NDE1: variants seen among roughly 807,000 people sequenced by gnomAD.
The protein encoded by NDE1 is nuclear distribution protein nudE homolog 1.
NDE1 carries 28 observed loss-of-function variants against 43.4 expected under a neutral mutation model. The ratio of observed to expected loss-of-function variants is 0.65; its 90% confidence interval spans 0.48 to 0.89. NDE1 has a LOEUF of 0.89. NDE1 is among the 40% of genes least tolerant of loss of function. The pLI is 0.00. For missense variants in NDE1, 441 were observed against 434.1 expected (o/e 1.02, Z -0.14); for synonymous variants, 184 against 172.0 (o/e 1.07, Z -0.55).
rs2040633172 is a variant in NDE1 at position 15,724,266 on chromosome 16, C to G, written c.*15C>G. On this transcript the variant is annotated 3_prime_UTR_variant, in exon 9 of 9. Coordinates refer to ENST00000396354, the MANE Select transcript of NDE1 (RefSeq NM_017668.3). ...GCTCCTGCTGAAGCCTGTTCTTGGT[C>G]TTTTCCAGTTTATCATAAGCGGCCG... 6.2e-7 allele frequency: 1 copy of G among 1,614,092 alleles called. No homozygotes were observed. Among genetic ancestry groups the G allele is most frequent in the Non-Finnish European group, 8.5e-7 (1 of 1,180,048 alleles).
At chr16:15,701,868 A>G (rs1287115323) in intron 8 of NDE1, 1 of 152,196 alleles carries the variant, frequency 6.6e-6, no homozygotes, top group Non-Finnish European at 1.5e-5. Context: ...TCCACAGAAG[A>G]TGTCCTTTTA....
rs149556566 is a variant in NDE1 at position 15,659,729 on chromosome 16, G to T, written c.-43-5007G>T. Among the ~76,000 whole-genome samples the T allele has an allele frequency of 3.4e-5, 5 of 146,722 alleles. No homozygotes were observed. The Admixed American group carries it at 3.5e-4, about 10-fold the overall frequency. On this transcript the variant is annotated intron_variant, in intron 1 of 8. Transcript: ENST00000396354. ...TGGGATTACAGGTGTGAGCCACTGCGCCCGGCCTTGGACACAATCTTTTTT... is the reference window on the plus strand; with the variant it reads ...TGGGATTACAGGTGTGAGCCACTGCTCCCGGCCTTGGACACAATCTTTTTT...
intron 8 of NDE1, chr16:15,718,108 C>G (rs1366245833): frequency 3.9e-6 from 3 of 762,406 alleles, no homozygotes; most frequent in South Asian, 1.8e-5. Flanking sequence ...AAATGAGACA[C>G]TGCAGCGTGG....
chr16:15,668,911 T>C (rs369744456), intron 3 of NDE1, among the ~76,000 whole-genome samples: 46 of 152,310 alleles, frequency 3.0e-4, no homozygotes, highest in African/African-American at 1.0e-3. Flanking sequence ...GTTTGTTTTG[T>C]ATTTTTGAGA....
At chr16:15,645,845 T>C (rs1216236014), upstream of NDE1, among the ~76,000 whole-genome samples, 1 of 152,158 alleles carries the variant, frequency 6.6e-6, no homozygotes, top group Non-Finnish European at 1.5e-5. Context: ...AACCAAGCTG[T>C]TATTAAAGGA....
chr16:15,695,770 C>G, intron 7 of NDE1: 1 of 921,002 alleles, frequency 1.1e-6, no homozygotes, highest in Non-Finnish European at 1.3e-6. Flanking sequence ...GTTTGCTATT[C>G]TAGAAGCAGG....
In NDE1 at chr16:15,714,742, T is replaced by A. The variant is rs189512774; in HGVS notation, c.948-9449T>A. On this transcript the variant is annotated intron_variant, in intron 8 of 8. Transcript: ENST00000396354. ...AGGCAGGGCCCGGGTCTGATCTCAG[T>A]GCCTGGCCCACACTAAGCTTAGTGA... The A allele has an allele frequency of 1.2e-4, 104 of 878,692 alleles. No individual in the cohort carries two copies. In the African/African-American group the frequency reaches 1.4e-3, roughly 12 times the overall value. 54.4% of individuals were successfully genotyped at this position (878,692 alleles called of 1,614,324 possible).
At chr16:15,709,751 C>T (rs992273713) in intron 8 of NDE1, among the ~76,000 whole-genome samples, 1 of 152,206 alleles carries the variant, frequency 6.6e-6, no homozygotes, top group African/African-American at 2.4e-5. Context: ...AGTGTTGGAA[C>T]AGAAGCCAAG....
In NDE1 at chr16:15,720,279, G is replaced by T. The variant is rs1055960218; in HGVS notation, c.948-3912G>T. On this transcript the variant is annotated intron_variant, in intron 8 of 8. Transcript: ENST00000396354. ...GCAGCTGCCAGGGCACGTTGCTTTC[G>T]CTCGTCTTCCAGTTCCGTCTCATAC... 3.1e-6 allele frequency: 5 copies of T among 1,614,060 alleles called. No homozygotes were observed. The highest frequency in any genetic ancestry group is 1.7e-5 in the Admixed American group (1 of 59,992).
intron 8 of NDE1, among the ~76,000 whole-genome samples, chr16:15,698,239 A>C (rs949680541): frequency 6.6e-6 from 1 of 152,012 alleles, no homozygotes; most frequent in Non-Finnish European, 1.5e-5. Context: ...TTCTTGCCTA[A>C]AGAAAATCAG....
At position 15,718,106 on chromosome 16, in the gene NDE1, C is replaced by T. The variant is rs74009410; in HGVS notation, c.948-6085C>T. ...GCCACGCCGTGGCTGGAAAATGAGA[C>T]ACTGCAGCGTGGAGAGGAGTATTCT... is the stretch of plus-strand genomic sequence containing the variant. On this transcript the variant is annotated intron_variant, in intron 8 of 8. Coordinates refer to ENST00000396354, the MANE Select transcript of NDE1 (RefSeq NM_017668.3). 2.2e-5 allele frequency: 16 copies of T among 743,310 alleles called. No homozygotes were observed. The African/African-American group carries it at 2.6e-4, about 12-fold the overall frequency. The allele number at this position is 743,310 out of a possible 1,614,324, so 46.0% of individuals were successfully genotyped here.
At chr16:15,711,725 G>C (rs142201733) in intron 8 of NDE1, among the ~76,000 whole-genome samples, 2 of 152,104 alleles carry the variant, frequency 1.3e-5, no homozygotes, top group East Asian at 3.9e-4. Flanking sequence ...CCGAGTTTTG[G>C]TCTGTCACCC....
At chr16:15,659,642 G>C (rs1218948854) in intron 1 of NDE1, among the ~76,000 whole-genome samples, 1 of 151,670 alleles carries the variant, frequency 6.6e-6, no homozygotes, top group African/African-American at 2.4e-5. Context: ...TCAGTGTGTT[G>C]GCCAGGCTGG....
intron 3 of NDE1, among the ~76,000 whole-genome samples, chr16:15,677,192 T>C (rs1333712851): frequency 6.6e-6 from 1 of 151,956 alleles, no homozygotes; most frequent in Non-Finnish European, 1.5e-5. Flanking sequence ...AAGGTTCTGT[T>C]GACTGAGCCT....
chr16:15,651,288 T>G (rs1476282727), intron 1 of NDE1, among the ~76,000 whole-genome samples: 1 of 152,088 alleles, frequency 6.6e-6, no homozygotes, highest in Non-Finnish European at 1.5e-5. Flanking sequence ...TCATTTTTAG[T>G]TTTGTTATAG....
rs749181134 is a variant in NDE1, at chr16:15,721,604, T to G, written c.948-2587T>G. The G allele has an allele frequency of 3.7e-6, 6 of 1,614,186 alleles. No homozygotes were observed. The highest frequency in any genetic ancestry group is 5.1e-6 in the Non-Finnish European group (6 of 1,180,036). On this transcript the variant is annotated intron_variant, in intron 8 of 8. Transcript: ENST00000396354. ...GCTCTGTCCCTCTCATCCGCGTATT[T>G]GGAAGAGATGTTTTTCTCCTCGGCT...
intron 4 of NDE1, among the ~76,000 whole-genome samples, chr16:15,685,216 C>G (rs2038378570): frequency 6.6e-6 from 1 of 152,040 alleles, no homozygotes; most frequent in Admixed American, 6.6e-5. Context: ...TGGTATTGTA[C>G]TCCGAAGTAT....
intron 3 of NDE1, among the ~76,000 whole-genome samples, chr16:15,677,312 A>G (rs1389924117): frequency 1.3e-5 from 2 of 152,042 alleles, no homozygotes; most frequent in African/African-American, 2.4e-5. Context: ...GGCCAGGTGC[A>G]GTGGCTCACA....
At chr16:15,705,358 TTC>T (rs1375763128) in intron 8 of NDE1, among the ~76,000 whole-genome samples, 3 of 152,302 alleles carry the variant, frequency 2.0e-5, no homozygotes, top group African/African-American at 7.2e-5. Context: ...TCTGCGCTGG[TTC>T]TCTCTTGAGT....
Sources: allele counts gnomAD v4.1 joint callset (sites outside exome capture counted in the v4.1 genomes callset), GRCh38; gene constraint gnomAD v4.1.1; transcripts MANE v1.5; gene names NCBI Gene and HGNC (gene_info 2026-07-23, HGNC 2026-07-21).